UGT1A8: variants seen among roughly 807,000 people sequenced by gnomAD.
UGT1A8 encodes the protein UDP glucuronosyltransferase family 1 member A8.
A neutral mutation model predicts 45.3 loss-of-function variants in UGT1A8; 39 were observed. That is an observed-to-expected ratio of 0.86 (90% CI 0.67 to 1.12). The LOEUF is 1.12. UGT1A8 is among the 50% of genes most tolerant of loss of function. The pLI, the probability that UGT1A8 is intolerant of heterozygous loss-of-function variation, is 0.00. For synonymous variants in UGT1A8, 275 were observed against 249.2 expected (o/e 1.10, Z -0.97); for missense variants, 719 against 664.9 (o/e 1.08, Z -0.90).
At chr2:233,659,528 G>T (rs1575406943) in intron 1 of UGT1A8, among the ~76,000 whole-genome samples, 1 of 152,132 alleles carries the variant, frequency 6.6e-6, no homozygotes, top group East Asian at 1.9e-4. Flanking sequence ...TCATCATAAA[G>T]ATCTTCCTTT....
At position 233,618,386 on chromosome 2, in the gene UGT1A8, G is replaced by A. The variant is rs766464184; in HGVS notation, c.679G>A (p.Ala227Thr). The change falls in exon 1 of 5, where the codon GCC (alanine) becomes ACC (threonine). Residue 227 changes from alanine to threonine, a missense_variant. By Grantham distance (58) the Ala-to-Thr change is moderately conservative (BLOSUM62 0). Coordinates refer to ENST00000373450, the MANE Select transcript of UGT1A8 (RefSeq NM_019076.5). ...ATTTTGCCAGTATTTTTCCAAAAAT[G>A]CCCTAGAAATAGCCTCTGAAATTCT... ...HLFCQYFSKN[A>T]LEIASEILQT... 1.2e-6 allele frequency: 2 copies of A among 1,613,834 alleles called. No individual in the cohort carries two copies. Among genetic ancestry groups the A allele is most frequent in the South Asian group, 2.2e-5 (2 of 91,066 alleles).
intron 1 of UGT1A8, chr2:233,743,522 T>C: frequency 7.3e-7 from 1 of 1,367,282 alleles, no homozygotes; most frequent in Non-Finnish European, 9.8e-7. Flanking sequence ...CTGCTTCTGC[T>C]TCCCCAGCAG....
At chr2:233,733,369 T>G (rs13410335) in intron 1 of UGT1A8, among the ~76,000 whole-genome samples, 57,553 of 151,946 alleles carry the variant, frequency 0.38, 11,204 homozygotes, top group African/African-American at 0.46. Flanking sequence ...GTGAGAGAGG[T>G]CATCCTTGTT....
At chr2:233,662,019 T>C (rs1189609098) in intron 1 of UGT1A8, among the ~76,000 whole-genome samples, 1 of 152,156 alleles carries the variant, frequency 6.6e-6, no homozygotes, top group Non-Finnish European at 1.5e-5. Context: ...CTTGCAACAC[T>C]TGAACTCCCT....
At chr2:233,729,018 A>G in intron 1 of UGT1A8, 6 of 1,591,202 alleles carry the variant, frequency 3.8e-6, no homozygotes, top group Non-Finnish European at 5.1e-6. Context: ...TCTTCCAATT[A>G]CACGTTGATT....
At chr2:233,756,038 T>C (rs1229247298) in intron 1 of UGT1A8, 1 of 152,242 alleles carries the variant, frequency 6.6e-6, no homozygotes, top group Non-Finnish European at 1.5e-5. Flanking sequence ...ATGTAGCTTC[T>C]GGAAAACTCC....
At chr2:233,670,745 C>T (rs781379004) in intron 1 of UGT1A8, among the ~76,000 whole-genome samples, 9 of 152,060 alleles carry the variant, frequency 5.9e-5, no homozygotes, top group Non-Finnish European at 8.8e-5. Context: ...GCAAGTAGAC[C>T]ACTTTGACAC....
At chr2:233,690,208 T>C (rs181844455) in intron 1 of UGT1A8, among the ~76,000 whole-genome samples, 3 of 152,264 alleles carry the variant, frequency 2.0e-5, no homozygotes, top group African/African-American at 7.2e-5. Flanking sequence ...AAATTCAATG[T>C]TTGCCATTTT....
Position 233,617,675 on chromosome 2 carries a change from A to C in UGT1A8, c.-33A>C. ...GCCTACTGTATCATAGCAGCTTAGA[A>C]TCCCAGCTGCTGGCTCGGGCTGCAG... On this transcript the variant is annotated 5_prime_UTR_variant, in exon 1 of 5. Transcript: ENST00000373450. 1.9e-6 allele frequency: 3 copies of C among 1,594,476 alleles called. No homozygotes were observed. Among genetic ancestry groups the C allele is most frequent in the African/African-American group, 1.3e-5 (1 of 74,694 alleles).
At chr2:233,678,066 C>A (rs182473388) in intron 1 of UGT1A8, among the ~76,000 whole-genome samples, 57 of 152,218 alleles carry the variant, frequency 3.7e-4, no homozygotes, top group African/African-American at 1.2e-3. Flanking sequence ...TATATACAGG[C>A]ACAGAACACC....
chr2:233,690,288 G>C (rs916343579), intron 1 of UGT1A8, among the ~76,000 whole-genome samples: 5 of 152,148 alleles, frequency 3.3e-5, no homozygotes, highest in Non-Finnish European at 5.9e-5. Context: ...AAATCTTGCA[G>C]GTGGGTCCTG....
chr2:233,747,715 C>A, intron 1 of UGT1A8: 2 of 1,613,182 alleles, frequency 1.2e-6, no homozygotes, highest in South Asian at 2.2e-5. Flanking sequence ...CTATCAATTC[C>A]TGCTGTGTTT....
At chr2:233,691,135 A>G (rs2075030169) in intron 1 of UGT1A8, 2 of 985,700 alleles carry the variant, frequency 2.0e-6, no homozygotes, top group Non-Finnish European at 2.4e-6. Flanking sequence ...TTCTTCCTCT[A>G]GATGAACTGT....
intron 1 of UGT1A8, chr2:233,672,246 T>C (rs747225870): frequency 1.2e-6 from 2 of 1,614,214 alleles, no homozygotes; most frequent in Admixed American, 3.3e-5. Flanking sequence ...AAGTACGAAG[T>C]ATATATTCTC....
chr2:233,673,182 C>G (rs920755799), intron 1 of UGT1A8, among the ~76,000 whole-genome samples: 3 of 152,082 alleles, frequency 2.0e-5, no homozygotes, highest in East Asian at 1.9e-4. Flanking sequence ...TATACAATAT[C>G]TAATGTAAAT....
At chr2:233,631,499 C>T (rs1008343287) in intron 1 of UGT1A8, among the ~76,000 whole-genome samples, 6 of 152,056 alleles carry the variant, frequency 3.9e-5, no homozygotes, top group Admixed American at 1.3e-4. Flanking sequence ...CTCCAGCATA[C>T]GTTCTTTCCT....
At position 233,685,517 on chromosome 2, in the gene UGT1A8, G is replaced by A. The variant is rs996449666; in HGVS notation, c.855+66955G>A. Among the ~76,000 whole-genome samples, 3 of 152,184 alleles carry A rather than the reference G, an allele frequency of 2.0e-5. No individual in the cohort carries two copies. The East Asian group carries it at 5.8e-4, about 29-fold the overall frequency. ...GTGGTTACAGCAAGAAAAGATCTATGCTTTCCCCATTGCTCTCGCATTCTG... is the reference window on the plus strand; with the variant it reads ...GTGGTTACAGCAAGAAAAGATCTATACTTTCCCCATTGCTCTCGCATTCTG... On this transcript the variant is annotated intron_variant, in intron 1 of 4. Coordinates refer to ENST00000373450, the MANE Select transcript of UGT1A8 (RefSeq NM_019076.5).
At chr2:233,719,608 T>C in intron 1 of UGT1A8, 1 of 1,614,074 alleles carries the variant, frequency 6.2e-7, no homozygotes, top group Non-Finnish European at 8.5e-7. Context: ...GACTTTGTGA[T>C]GGACTACCCC....
chr2:233,746,667 C>T (rs4663969), intron 1 of UGT1A8, among the ~76,000 whole-genome samples: 19 of 151,232 alleles, frequency 1.3e-4, no homozygotes, highest in Non-Finnish European at 2.4e-4. Flanking sequence ...GAGTTCCTAG[C>T]ATAGTAGGTA....
Sources: allele counts gnomAD v4.1 joint callset (sites outside exome capture counted in the v4.1 genomes callset), GRCh38; gene constraint gnomAD v4.1.1; transcripts MANE v1.5; gene names NCBI Gene and HGNC (gene_info 2026-07-23, HGNC 2026-07-21).